STUM: variants seen among roughly 807,000 people sequenced by gnomAD.
The protein encoded by STUM is protein stum homolog.
In STUM, 8 loss-of-function variants were observed where a neutral mutation model predicts 15.3. The observed-to-expected ratio is 0.52, with a 90% CI of 0.31 to 0.94. The LOEUF (loss-of-function observed/expected upper bound fraction) is 0.94. Among genes scored for constraint, STUM ranks in the 40% least tolerant of loss-of-function variants. STUM has a pLI of 0.05. For missense variants in STUM, 142 were observed against 204.9 expected (o/e 0.69, Z 1.87); for synonymous variants, 78 against 88.7 (o/e 0.88, Z 0.68).
intron 1 of STUM, among the ~76,000 whole-genome samples, chr1:226,587,680 A>G (rs1349683838): frequency 6.6e-6 from 1 of 151,956 alleles, no homozygotes; most frequent in African/African-American, 2.4e-5. Flanking sequence ...GATGTGGGGG[A>G]GCAGCTGAGG....
At chr1:226,556,847 G>A (rs1237479246) in intron 1 of STUM, among the ~76,000 whole-genome samples, 1 of 152,158 alleles carries the variant, frequency 6.6e-6, no homozygotes, top group East Asian at 1.9e-4. Flanking sequence ...CTTTTAAATT[G>A]TAAATTGACA....
At chr1:226,571,352 A>G (rs1558280936) in intron 1 of STUM, among the ~76,000 whole-genome samples, 1 of 152,246 alleles carries the variant, frequency 6.6e-6, no homozygotes, top group Admixed American at 6.5e-5. Flanking sequence ...AGGAAGTACC[A>G]TAACTTCGAA....
chr1:226,570,314 G>T (rs192045515), intron 1 of STUM, among the ~76,000 whole-genome samples: 38 of 152,332 alleles, frequency 2.5e-4, no homozygotes, highest in Admixed American at 2.1e-3. Flanking sequence ...TTATGGAGCT[G>T]TGTGTTTAAA....
chr1:226,593,185 C>CAA (rs72490675), intron 1 of STUM, among the ~76,000 whole-genome samples: 27,009 of 124,964 alleles, frequency 0.22, 3,536 homozygotes, highest in Non-Finnish European at 0.29. Context: ...GACTCCGTCT[C>CAA]AAAAAAAAAA....
In STUM at chr1:226,602,342, C is replaced by G. The variant is rs1277378991; in HGVS notation, c.*302C>G. On this transcript the variant is annotated 3_prime_UTR_variant, in exon 4 of 4. Transcript: ENST00000366788. Reference sequence around the variant, plus strand: ...GGATGCTCCGGCAGGCTCCAACTGGCCTTGCTGTACCCACTGCCCACCGCA... The same window carrying G: ...GGATGCTCCGGCAGGCTCCAACTGGGCTTGCTGTACCCACTGCCCACCGCA... 2.4e-6 allele frequency: 1 copy of G among 423,696 alleles called. No homozygotes were observed. The highest frequency in any genetic ancestry group is 4.3e-6 in the Non-Finnish European group (1 of 231,164). 26.2% of individuals were successfully genotyped at this position (423,696 alleles called of 1,614,324 possible). A position where few individuals can be genotyped will look rare whatever the true frequency, so the allele number is the denominator to read the frequency against.
In STUM at chr1:226,600,404, G is replaced by A. The variant is rs1050983867; in HGVS notation, c.383-262G>A. ...CTCCCTGGCAGTGTGAGAGCCCCTC[G>A]CTGTGCCCCTAGCCACACCCACACG... On this transcript the variant is annotated intron_variant, in intron 2 of 3. Coordinates refer to ENST00000366788, the MANE Select transcript of STUM (RefSeq NM_001003665.4). This position sits in a 1 kb window ranked among gnomAD's most constrained non-coding sequence, Gnocchi z 5.2. Among the ~76,000 whole-genome samples the A allele has an allele frequency of 2.0e-5, 3 of 152,204 alleles. No individual in the cohort carries two copies. The highest frequency in any genetic ancestry group is 1.9e-4 in the East Asian group (1 of 5,200).
At chr1:226,589,825 T>C (rs1373629532) in intron 1 of STUM, among the ~76,000 whole-genome samples, 1 of 152,104 alleles carries the variant, frequency 6.6e-6, no homozygotes, top group East Asian at 1.9e-4. Context: ...TTGGACAGAG[T>C]GAAAGGCCAG....
In STUM at chr1:226,552,208, A is replaced by G. The variant is rs913302464; in HGVS notation, c.202+3102A>G. On this transcript the variant is annotated intron_variant, in intron 1 of 3. Transcript: ENST00000366788. This position sits in a 1 kb window ranked among gnomAD's most constrained non-coding sequence, Gnocchi z 4.7. Reference sequence around the variant, plus strand: ...CCCAAGCAACAGTGCTCTCGGGATAACACTCATATCATGAGTGGGATGTGC... The same window carrying G: ...CCCAAGCAACAGTGCTCTCGGGATAGCACTCATATCATGAGTGGGATGTGC... Among the ~76,000 whole-genome samples the G allele has an allele frequency of 6.6e-6, 1 of 152,110 alleles. No homozygotes were observed. Among genetic ancestry groups the G allele is most frequent in the Non-Finnish European group, 1.5e-5 (1 of 68,022 alleles).
intron 1 of STUM, among the ~76,000 whole-genome samples, chr1:226,575,274 A>G (rs1667790772): frequency 6.6e-6 from 1 of 152,246 alleles, no homozygotes; most frequent in South Asian, 2.1e-4. Context: ...CAATAAGGTG[A>G]GTGCTGTCAC....
At chr1:226,574,642 A>G (rs1667773557) in intron 1 of STUM, among the ~76,000 whole-genome samples, 1 of 152,226 alleles carries the variant, frequency 6.6e-6, no homozygotes, top group South Asian at 2.1e-4. Flanking sequence ...CGAGGACCCC[A>G]AAGGAAGCTA....
Position 226,549,156 on chromosome 1 carries a change from G to C in STUM, c.202+50G>C. ...TGCGACCCCCACCCCGCCGCGGGAGGGCGTGGGGGGAGAGAAGGGCGCGGC... is the reference window on the plus strand; with the variant it reads ...TGCGACCCCCACCCCGCCGCGGGAGCGCGTGGGGGGAGAGAAGGGCGCGGC... On this transcript the variant is annotated intron_variant, in intron 1 of 3. Transcript: ENST00000366788. The surrounding 1 kb of genome is among the most constrained non-coding windows in gnomAD (Gnocchi z 6.8). The C allele has an allele frequency of 6.7e-7, 1 of 1,498,504 alleles. No homozygotes were observed. Among genetic ancestry groups the C allele is most frequent in the Non-Finnish European group, 9.0e-7 (1 of 1,109,890 alleles). 92.8% of individuals were successfully genotyped at this position (1,498,504 alleles called of 1,614,324 possible).
Position 226,565,680 on chromosome 1 carries a change from C to T in STUM, c.202+16574C>T, listed in dbSNP as rs1406438659. Among the ~76,000 whole-genome samples the T allele has an allele frequency of 2.0e-5, 3 of 152,152 alleles. No individual in the cohort carries two copies. Among genetic ancestry groups the T allele is most frequent in the Non-Finnish European group, 2.9e-5 (2 of 68,028 alleles). On this transcript the variant is annotated intron_variant, in intron 1 of 3. Transcript: ENST00000366788. The surrounding 1 kb of genome is among the most constrained non-coding windows in gnomAD (Gnocchi z 4.4). ...AAGGTGCTAGGCGTGACTCCCTGCC[C>T]GGCTCCTGCCTGGGTAGTTCTGCAT... is the stretch of plus-strand genomic sequence containing the variant.
chr1:226,568,035 A>G (rs1347465106), intron 1 of STUM, among the ~76,000 whole-genome samples: 1 of 152,142 alleles, frequency 6.6e-6, no homozygotes, highest in Non-Finnish European at 1.5e-5. Flanking sequence ...GAGCCTGCAC[A>G]CCGGCATCCC....
intron 1 of STUM, among the ~76,000 whole-genome samples, chr1:226,582,351 G>C (rs1473968829): frequency 6.6e-6 from 1 of 152,184 alleles, no homozygotes; most frequent in Non-Finnish European, 1.5e-5. Flanking sequence ...CCAGAACTTT[G>C]GGAGGCCGAG....
chr1:226,575,697 C>G (rs1396867373), intron 1 of STUM, among the ~76,000 whole-genome samples: 1 of 152,254 alleles, frequency 6.6e-6, no homozygotes, highest in Non-Finnish European at 1.5e-5. Flanking sequence ...ACAAAAATAA[C>G]TAACACCATG....
chr1:226,589,490 A>C (rs373275958), intron 1 of STUM, among the ~76,000 whole-genome samples: 3 of 152,164 alleles, frequency 2.0e-5, no homozygotes, highest in African/African-American at 7.2e-5. Flanking sequence ...CAGAGACCAC[A>C]GTGATGGCAG....
intron 1 of STUM, among the ~76,000 whole-genome samples, chr1:226,566,242 T>C (rs1667623635): frequency 6.6e-6 from 1 of 152,210 alleles, no homozygotes; most frequent in Non-Finnish European, 1.5e-5. Flanking sequence ...TTTTAAGTCT[T>C]TACAAAAGAC....
At position 226,548,924 on chromosome 1, in the gene STUM, A is replaced by T; in HGVS notation, c.20A>T (p.Asp7Val). The change falls in exon 1 of 4, where the codon GAC becomes GTC. Residue 7 changes from aspartate (D) to valine (V), a missense_variant. Transcript: ENST00000366788. The stretch of plus-strand genomic sequence containing the variant: ...CCGGCCATGGAGCCCTCGCACAAAG[A>T]CGCCGAGACGGCGGCGGCGGCGGCG... MEPSHKDAETAAAAAAV... is the reference protein window; with the variant it reads MEPSHKVAETAAAAAAV... The T allele has an allele frequency of 2.8e-6, 4 of 1,433,388 alleles. No individual in the cohort carries two copies. The highest frequency in any genetic ancestry group is 3.6e-6 in the Non-Finnish European group (4 of 1,100,276). The allele number at this position is 1,433,388 out of a possible 1,614,324, so 88.8% of individuals were successfully genotyped here.
intron 1 of STUM, among the ~76,000 whole-genome samples, chr1:226,589,731 T>C (rs894249181): frequency 6.6e-6 from 1 of 152,072 alleles, no homozygotes; most frequent in Non-Finnish European, 1.5e-5. Flanking sequence ...AGGAACAGCA[T>C]GCGCAGGGCC....
Sources: allele counts gnomAD v4.1 joint callset (sites outside exome capture counted in the v4.1 genomes callset), GRCh38; gene constraint gnomAD v4.1.1; non-coding constraint Gnocchi (gnomAD v3.1); transcripts MANE v1.5; gene names NCBI Gene and HGNC (gene_info 2026-07-23, HGNC 2026-07-21).